Variants in FAM110A observed in about 807,000 individuals in gnomAD.
The protein encoded by FAM110A is protein FAM110A.
FAM110A carries 1 observed loss-of-function variant against 4.0 expected under a neutral mutation model. The ratio of observed to expected loss-of-function variants is 0.25; its 90% confidence interval spans 0.09 to 1.20. The LOEUF (loss-of-function observed/expected upper bound fraction) is 1.20. Ranked by LOEUF, FAM110A falls within the 50% of genes most tolerant of loss-of-function variation. FAM110A has a pLI of 0.50. For synonymous variants in FAM110A, 217 were observed against 196.8 expected (o/e 1.10, Z -0.86); for missense variants, 436 against 429.2 (o/e 1.02, Z -0.14).
chr20:839,596 G>T, intron 1 of FAM110A: 1 of 1,035,266 alleles, frequency 9.7e-7, no homozygotes, highest in Non-Finnish European at 1.5e-6. Flanking sequence ...CGTCTTGTGA[G>T]TCTTGCAGGT....
Position 845,290 on chromosome 20 carries a change from G to T in FAM110A, c.486G>T (p.Ser162=), listed in dbSNP as rs1568793174. 13 of 1,509,190 alleles carry T rather than the reference G, an allele frequency of 8.6e-6. No individual in the cohort carries two copies. Among genetic ancestry groups the T allele is most frequent in the Admixed American group, 4.7e-5 (2 of 42,918 alleles). The allele number at this position is 1,509,190 out of a possible 1,614,324, so 93.5% of individuals were successfully genotyped here. ...RRVDVRPLPA[S]PARPCPSPGP... is the part of the protein sequence containing the mutation. ...TGGACGTCCGCCCCCTGCCCGCCTC[G>T]CCTGCCCGGCCCTGCCCATCACCCG... The change falls in exon 2 of 2, where the codon TCG becomes TCT. Residue 162 remains serine, a synonymous_variant. Coordinates refer to ENST00000381941, the MANE Select transcript of FAM110A (RefSeq NM_001042353.3).
chr20:844,569 G>C, intron 1 of FAM110A, 139 bp from the exon 2 acceptor site: 1 of 477,690 alleles, frequency 2.1e-6, no homozygotes, highest in Non-Finnish European at 3.4e-6. Context: ...GCTGCCTTGT[G>C]CCTGCTGATT....
At chr20:842,227 C>T (rs1357414446) in intron 1 of FAM110A, among the ~76,000 whole-genome samples, 1 of 152,238 alleles carries the variant, frequency 6.6e-6, no homozygotes, top group Non-Finnish European at 1.5e-5. Flanking sequence ...GCCCGCGGCG[C>T]CAAACCCGGG....
Position 846,116 on chromosome 20 carries a change from A to C in FAM110A, c.*424A>C. On this transcript the variant is annotated 3_prime_UTR_variant, in exon 2 of 2. Transcript: ENST00000381941. ...GACTTCCTCTTCCTTACCCAGCAGA[A>C]CTCACCCTGGGGTCGGGGCAGTGGG... 1 of 207,536 alleles carries C rather than the reference A, an allele frequency of 4.8e-6. No individual in the cohort carries two copies. Among genetic ancestry groups the C allele is most frequent in the Non-Finnish European group, 1.1e-5 (1 of 92,156 alleles). 12.9% of individuals were successfully genotyped at this position (207,536 alleles called of 1,614,324 possible). A position where few individuals can be genotyped will look rare whatever the true frequency, so the allele number is the denominator to read the frequency against.
chr20:835,200 C>CTCTCTCTCTATATA, intron 1 of FAM110A, among the ~76,000 whole-genome samples: 2 of 140,554 alleles, frequency 1.4e-5, no homozygotes, highest in Middle Eastern at 7.5e-3. Context: ...CTCTCTCTCT[C>CTCTCTCTCTATATA]TATATATATA....
intron 1 of FAM110A, among the ~76,000 whole-genome samples, chr20:844,487 T>C (rs868414694): frequency 6.0e-5 from 9 of 150,914 alleles, no homozygotes; most frequent in African/African-American, 1.7e-4. Context: ...TTTCCTCTCT[T>C]GGTCTCAGCT....
chr20:838,686 A>G (rs1346963867), intron 1 of FAM110A, among the ~76,000 whole-genome samples: 2 of 152,220 alleles, frequency 1.3e-5, no homozygotes, highest in Non-Finnish European at 2.9e-5. Flanking sequence ...GCCCTGAGGC[A>G]GGAAAGACCT....
chr20:845,364 C>G lies in FAM110A; in HGVS notation c.560C>G (p.Ser187Cys). The G allele has an allele frequency of 2.5e-6, 4 of 1,610,514 alleles. No individual in the cohort carries two copies. Among genetic ancestry groups the G allele is most frequent in the Non-Finnish European group, 2.5e-6 (3 of 1,178,760 alleles). ...SPARPPGLQR[S>C]KSDLSERFSR... ...GCCCGGCCGCCGGGTTTGCAACGCT[C>G]CAAGTCGGACTTGAGCGAGCGCTTT... Residue 187 changes from serine to cysteine, a missense_variant, in exon 2 of 2, where the codon TCC (serine) becomes TGC (cysteine). By Grantham distance (112) the Ser-to-Cys change is moderately radical. Transcript: ENST00000381941.
rs34694595 is a variant in FAM110A, at chr20:844,751, GCTC to G, written c.-50_-48del. 267,797 of 1,363,684 alleles carry G rather than the reference GCTC, an allele frequency of 0.2. 27,017 individuals carry two copies. The highest frequency in any genetic ancestry group is 0.27 in the African/African-American group (17,538 of 65,794). The allele number at this position is 1,363,684 out of a possible 1,614,324, so 84.5% of individuals were successfully genotyped here. A position where few individuals can be genotyped will look rare whatever the true frequency, so the allele number is the denominator to read the frequency against. On this transcript the variant is annotated 5_prime_UTR_variant, in exon 2 of 2. Transcript: ENST00000381941. ...TGCCTACTTTCTGCCCGGATCTCTG[GCTC>G]CTCATCTCTCCGGTCTCCGCAGACT...
intron 1 of FAM110A, chr20:839,953 TC>T: frequency 6.6e-7 from 1 of 1,510,516 alleles, no homozygotes; most frequent in Non-Finnish European, 9.2e-7. Context: ...TGAATGGCAA[TC>T]CGGTTCTTCT....
At position 845,756 on chromosome 20, in the gene FAM110A, C is replaced by T; in HGVS notation, c.*64C>T. ...ACAGAGGCAAGTGGTCCCTGGACCT[C>T]TCTTGCATCCATTCTCTAGACGGCC... On this transcript the variant is annotated 3_prime_UTR_variant, in exon 2 of 2. Transcript: ENST00000381941. The T allele has an allele frequency of 1.3e-6, 2 of 1,594,718 alleles. No individual in the cohort carries two copies. The highest frequency in any genetic ancestry group is 1.1e-5 in the South Asian group (1 of 88,496).
chr20:846,130 C>T lies in FAM110A; in HGVS notation c.*438C>T, dbSNP rs1322018687. Reference sequence around the variant, plus strand: ...TACCCAGCAGAACTCACCCTGGGGTCGGGGCAGTGGGGAGGGGCCTATCCA... The same window carrying T: ...TACCCAGCAGAACTCACCCTGGGGTTGGGGCAGTGGGGAGGGGCCTATCCA... On this transcript the variant is annotated 3_prime_UTR_variant, in exon 2 of 2. Coordinates refer to ENST00000381941, the MANE Select transcript of FAM110A (RefSeq NM_001042353.3). The T allele has an allele frequency of 4.8e-6, 1 of 206,196 alleles. No homozygotes were observed. Among genetic ancestry groups the T allele is most frequent in the South Asian group, 8.3e-5 (1 of 12,006 alleles). The allele number at this position is 206,196 out of a possible 1,614,324, so 12.8% of individuals were successfully genotyped here. A position where few individuals can be genotyped will look rare whatever the true frequency, so the allele number is the denominator to read the frequency against.
intron 1 of FAM110A, chr20:839,590 TTG>T (rs1979764805): frequency 1.9e-6 from 2 of 1,026,806 alleles, no homozygotes; most frequent in African/African-American, 1.6e-5. Flanking sequence ...GCTTCCCGTC[TTG>T]TGAGTCTTGC....
In FAM110A at chr20:846,064, T is replaced by G; in HGVS notation, c.*372T>G. The G allele has an allele frequency of 3.8e-6, 1 of 259,810 alleles. No individual in the cohort carries two copies. Among genetic ancestry groups the G allele is most frequent in the South Asian group, 4.7e-5 (1 of 21,412 alleles). 16.1% of individuals were successfully genotyped at this position (259,810 alleles called of 1,614,324 possible). A position where few individuals can be genotyped will look rare whatever the true frequency, so the allele number is the denominator to read the frequency against. On this transcript the variant is annotated 3_prime_UTR_variant, in exon 2 of 2. Transcript: ENST00000381941. The stretch of plus-strand genomic sequence containing the variant: ...TCTCCCCAGCGGCTCTGTTTCCTCC[T>G]TCCTTCCTTGGCCTCTGTCCTTTGC...
rs1979801604 is a variant in FAM110A, at chr20:840,053, A to G, written c.-97-4655A>G. ...TTTCTTTGCTATTACGAAAATCATT[A>G]TTGTTGCTTTGCTGTTACTACTATT... On this transcript the variant is annotated intron_variant, in intron 1 of 1. Coordinates refer to ENST00000381941, the MANE Select transcript of FAM110A (RefSeq NM_001042353.3). The surrounding 1 kb of genome is among the most constrained non-coding windows in gnomAD (Gnocchi z 4.4). 1.2e-6 allele frequency: 1 copy of G among 811,114 alleles called. No individual in the cohort carries two copies. The highest frequency in any genetic ancestry group is 1.6e-5 in the South Asian group (1 of 63,174). 50.2% of individuals were successfully genotyped at this position (811,114 alleles called of 1,614,324 possible).
intron 1 of FAM110A, among the ~76,000 whole-genome samples, chr20:836,787 T>C (rs1052848298): frequency 6.6e-6 from 1 of 152,208 alleles, no homozygotes; most frequent in African/African-American, 2.4e-5. Flanking sequence ...TACTTTACTG[T>C]GTTTCACAGT....
rs529130062 is a variant in FAM110A at position 844,859 on chromosome 20, C to A, written c.55C>A (p.Arg19Ser). The part of the protein sequence containing the change: ...GAPSAPALPC[R>S]LRTRVPGYLL... ...CCCGTCCGCCCCCGCCCTACCTTGC[C>A]GCCTGCGGACCAGGGTCCCTGGCTA... The change falls in exon 2 of 2, where the codon CGC becomes AGC. Residue 19 changes from arginine (R) to serine (S), a missense_variant. Arg to Ser is a moderately radical substitution (Grantham distance 110). Coordinates refer to ENST00000381941, the MANE Select transcript of FAM110A (RefSeq NM_001042353.3). 6.5e-6 allele frequency: 10 copies of A among 1,538,068 alleles called. No individual in the cohort carries two copies. The highest frequency in any genetic ancestry group is 2.5e-5 in the East Asian group (1 of 40,726).
At chr20:841,873 C>A (rs1979942425) in intron 1 of FAM110A, among the ~76,000 whole-genome samples, 1 of 152,224 alleles carries the variant, frequency 6.6e-6, no homozygotes. Context: ...CTGTTGAGGT[C>A]AGCTCACCGA....
intron 1 of FAM110A, among the ~76,000 whole-genome samples, chr20:842,411 G>T (rs897238194): frequency 7.9e-5 from 12 of 152,220 alleles, no homozygotes; most frequent in African/African-American, 2.7e-4. Context: ...AACTGCCACT[G>T]CGGACGGGTT....
Sources: allele counts gnomAD v4.1 joint callset (sites outside exome capture counted in the v4.1 genomes callset), GRCh38; gene constraint gnomAD v4.1.1; non-coding constraint Gnocchi (gnomAD v3.1); transcripts MANE v1.5; gene names NCBI Gene and HGNC (gene_info 2026-07-23, HGNC 2026-07-21).